The following LYSMD3 variants were observed in gnomAD, a reference collection of about 807,000 sequenced individuals.
LYSMD3 encodes the protein lysM and putative peptidoglycan-binding domain-containing protein 3.
LYSMD3 carries 13 observed loss-of-function variants against 26.1 expected under a neutral mutation model. The observed-to-expected ratio is 0.50, with a 90% CI of 0.32 to 0.79. LYSMD3 has a LOEUF of 0.79. LYSMD3 is among the 30% of genes least tolerant of loss of function. The pLI is 0.03. For synonymous variants in LYSMD3, 109 were observed against 119.4 expected (o/e 0.91, Z 0.57); for missense variants, 331 against 362.5 (o/e 0.91, Z 0.71).
chr5:90,525,978 TTC>T (rs1753213766), intron 1 of LYSMD3, among the ~76,000 whole-genome samples: 1 of 152,232 alleles, frequency 6.6e-6, no homozygotes, highest in Admixed American at 6.5e-5. Context: ...ATTCCCCTTA[TTC>T]TGAGTATGTG....
chr5:90,525,197 A>C lies in LYSMD3; in HGVS notation c.93T>G (p.Asp31Glu). The change falls in exon 2 of 3, where the codon GAT (aspartate) becomes GAG (glutamate). Residue 31 changes from aspartate (D) to glutamate (E), a missense_variant. Physicochemically the swap from Asp to Glu is conservative, Grantham distance 45. This residue lies in a region of LYSMD3 where 262 missense variants were observed against 267.3 expected (regional missense o/e 0.98). Coordinates refer to ENST00000315948, the MANE Select transcript of LYSMD3 (RefSeq NM_198273.2). ...ACACTTCAGCATCCTCCTCCAAAAT[A>C]TCACTGTCTGAACAATTTCCAAATG... is the stretch of plus-strand genomic sequence containing the variant. The part of the protein sequence containing the change: ...VHAFGNCSDS[D>E]ILEEDAEVYE... 1 of 1,614,022 alleles carries C rather than the reference A, an allele frequency of 6.2e-7. No individual in the cohort carries two copies. Among genetic ancestry groups the C allele is most frequent in the Non-Finnish European group, 8.5e-7 (1 of 1,180,000 alleles).
chr5:90,521,368 G>A (rs966777234), intron 2 of LYSMD3, among the ~76,000 whole-genome samples: 4 of 151,956 alleles, frequency 2.6e-5, no homozygotes, highest in African/African-American at 9.7e-5. Flanking sequence ...AAGTCAAGGT[G>A]GTCAAGCAGA....
chr5:90,521,295 T>C (rs1461759666), intron 2 of LYSMD3, among the ~76,000 whole-genome samples: 3 of 152,114 alleles, frequency 2.0e-5, no homozygotes, highest in East Asian at 3.9e-4. Flanking sequence ...CAGTGATTTA[T>C]GGTATGTCAT....
chr5:90,520,295 C>A, intron 2 of LYSMD3: 1 of 418,756 alleles, frequency 2.4e-6, no homozygotes. Context: ...AATTGGTATG[C>A]CAGGCTCTCC....
intron 1 of LYSMD3, among the ~76,000 whole-genome samples, chr5:90,526,232 C>T (rs1200577170): frequency 6.6e-6 from 1 of 152,112 alleles, no homozygotes; most frequent in Non-Finnish European, 1.5e-5. Context: ...GATTTTGCTT[C>T]CCTGGAAGCA....
chr5:90,519,016 T>G lies in LYSMD3; in HGVS notation c.724A>C (p.Ile242Leu), dbSNP rs2151920525. 6.2e-7 allele frequency: 1 copy of G among 1,614,094 alleles called. No individual in the cohort carries two copies. Among genetic ancestry groups the G allele is most frequent in the East Asian group, 2.2e-5 (1 of 44,876 alleles). ...TGACTAACATCCACCTTAGCTAAAA[T>G]TTCATAATACAACAAATAAAACACT... The part of the protein sequence containing the change: ...TPVFYLLYYE[I>L]LAKVDVSHHS... The change falls in exon 3 of 3, where the codon ATT (isoleucine) becomes CTT (leucine). Residue 242 changes from isoleucine (I) to leucine (L), a missense_variant. Transcript: ENST00000315948.
At chr5:90,525,397 T>C in intron 1 of LYSMD3, 97 bp from the exon 2 acceptor site, 1 of 1,230,658 alleles carries the variant, frequency 8.1e-7, no homozygotes, top group Non-Finnish European at 1.1e-6. Context: ...CTTTTGTTTT[T>C]GTTTTAATGG....
chr5:90,523,232 A>G (rs1753136227), intron 2 of LYSMD3, among the ~76,000 whole-genome samples: 1 of 151,242 alleles, frequency 6.6e-6, no homozygotes, highest in Non-Finnish European at 1.5e-5. Flanking sequence ...AGGTAGGAGG[A>G]AAAAACTACC....
At chr5:90,529,419 C>A in intron 1 of LYSMD3, 29 bp downstream of exon 1, 1 of 456,514 alleles carries the variant, frequency 2.2e-6, no homozygotes, top group Non-Finnish European at 4.4e-6. Flanking sequence ...CTGGACCGGG[C>A]TACCCTCACC....
chr5:90,525,122 T>C lies in LYSMD3; in HGVS notation c.168A>G (p.Arg56=). 6.2e-7 allele frequency: 1 copy of C among 1,613,936 alleles called. No homozygotes were observed. Among genetic ancestry groups the C allele is most frequent in the Non-Finnish European group, 8.5e-7 (1 of 1,179,808 alleles). The change falls in exon 2 of 3, where the codon AGA becomes AGG. Residue 56 remains arginine (R), a synonymous_variant. Transcript: ENST00000315948. ...GKEKVRRSTS[R]DRLDDIIVLT... ...ATACTATAATGTCGTCAAGTCTATC[T>C]CTTGATGTACTTCTTCGGACTTTCT... is the stretch of plus-strand genomic sequence containing the variant.
In LYSMD3 at chr5:90,525,268, G is replaced by A. The variant is rs757996124; in HGVS notation, c.22C>T (p.Arg8Cys). The part of the protein sequence containing the change: MAGRHQN[R>C]SFPLPGVQSS... The stretch of plus-strand genomic sequence containing the variant: ...TGAACTCCTGGAAGAGGAAAACTAC[G>A]ATTCTGATGCCTCCCTGCCATAATG... The change falls in exon 2 of 3, where the codon CGT becomes TGT. Residue 8 changes from arginine to cysteine, a missense_variant. Coordinates refer to ENST00000315948, the MANE Select transcript of LYSMD3 (RefSeq NM_198273.2). The A allele has an allele frequency of 2.3e-5, 37 of 1,607,678 alleles. No individual in the cohort carries two copies. Among genetic ancestry groups the A allele is most frequent in the Middle Eastern group, 1.7e-4 (1 of 6,036 alleles).
In LYSMD3 at chr5:90,516,496, CAAT is replaced by C. The variant is rs1752952768; in HGVS notation, c.*2320_*2322del. On this transcript the variant is annotated 3_prime_UTR_variant, in exon 3 of 3. Coordinates refer to ENST00000315948, the MANE Select transcript of LYSMD3 (RefSeq NM_198273.2). The stretch of plus-strand genomic sequence containing the variant: ...CACAATTAAAATCCATAATGTTAAA[CAAT>C]AACTGTGCTTGTTAGTTATACAAGG... The C allele has an allele frequency of 6.6e-6, 1 of 152,014 alleles. No homozygotes were observed. The highest frequency in any genetic ancestry group is 2.4e-5 in the African/African-American group (1 of 41,424). 9.4% of individuals were successfully genotyped at this position (152,014 alleles called of 1,614,324 possible).
chr5:90,524,954 T>TA, intron 2 of LYSMD3, 81 bp downstream of exon 2: 1 of 1,249,090 alleles, frequency 8.0e-7, no homozygotes, highest in South Asian at 1.6e-5. Context: ...ATAAACAAGG[T>TA]AAAAAAGGAC....
At chr5:90,524,129 ATAGG>A (rs1753158790) in intron 2 of LYSMD3, among the ~76,000 whole-genome samples, 1 of 152,206 alleles carries the variant, frequency 6.6e-6, no homozygotes. Context: ...GTATCAATTA[ATAGG>A]GCAATGGCTT....
At chr5:90,519,999 C>CA (rs1753049793) in intron 2 of LYSMD3, among the ~76,000 whole-genome samples, 1 of 151,674 alleles carries the variant, frequency 6.6e-6, no homozygotes, top group Non-Finnish European at 1.5e-5. Flanking sequence ...TTGAAGATGC[C>CA]ACCATTCCAA....
Position 90,519,372 on chromosome 5 carries a change from G to C in LYSMD3, c.368C>G (p.Pro123Arg). The stretch of plus-strand genomic sequence containing the variant: ...ACGTGAAGTCTGTCTTCCTTTTGGA[G>C]GACAAAGTGTTTCGGTCAAGGAACT... Reference protein sequence around the residue: ...KFSSLTETLCPPKGRQTSRHS... With the variant: ...KFSSLTETLCRPKGRQTSRHS... The change falls in exon 3 of 3, where the codon CCT (proline) becomes CGT (arginine). Residue 123 changes from proline (P) to arginine (R), a missense_variant. Transcript: ENST00000315948. 1 of 1,614,024 alleles carries C rather than the reference G, an allele frequency of 6.2e-7. No individual in the cohort carries two copies. Among genetic ancestry groups the C allele is most frequent in the Non-Finnish European group, 8.5e-7 (1 of 1,179,972 alleles).
At chr5:90,524,084 T>G (rs1320559688) in intron 2 of LYSMD3, among the ~76,000 whole-genome samples, 1 of 152,162 alleles carries the variant, frequency 6.6e-6, no homozygotes, top group East Asian at 1.9e-4. Context: ...GTGATGATAT[T>G]TGCCACACAA....
chr5:90,519,587 A>C (rs1213510035), intron 2 of LYSMD3, 103 bp from the exon 3 acceptor site: 1 of 1,173,944 alleles, frequency 8.5e-7, no homozygotes, highest in African/African-American at 1.6e-5. Flanking sequence ...AAAAAGTTGA[A>C]TTATTAGTAG....
rs1439125776 is a variant in LYSMD3 at position 90,525,150 on chromosome 5, T to A, written c.140A>T (p.Lys47Ile). ...TGATGTACTTCTTCGGACTTTCTCT[T>A]TTCCTCTGGATCGAAGTTCATACAC... ...AEVYELRSRGKEKVRRSTSRD... is the reference protein window; with the variant it reads ...AEVYELRSRGIEKVRRSTSRD... Residue 47 changes from lysine (K) to isoleucine (I), a missense_variant, in exon 2 of 3, where the codon AAA becomes ATA. This residue lies in a region of LYSMD3 where 262 missense variants were observed against 267.3 expected (regional missense o/e 0.98). Transcript: ENST00000315948. 3.7e-6 allele frequency: 6 copies of A among 1,614,062 alleles called. No individual in the cohort carries two copies. The South Asian group carries it at 5.5e-5, about 15-fold the overall frequency.
Sources: gnomAD v4.1 joint callset for allele counts (sites outside exome capture counted in the v4.1 genomes callset) on GRCh38, gnomAD v4.1.1 for gene constraint, gnomAD v4.1.1 regional missense constraint, MANE v1.5 for transcripts, NCBI Gene and HGNC (gene_info 2026-07-23, HGNC 2026-07-21) for gene names.